MYH11: variants seen among roughly 807,000 people sequenced by gnomAD.
MYH11 encodes the protein myosin heavy chain 11.
In MYH11, 80 loss-of-function variants were observed where a neutral mutation model predicts 246.6. The ratio of observed to expected loss-of-function variants is 0.32; its 90% CI spans 0.27 to 0.39. MYH11 has a LOEUF of 0.39. Among genes scored for constraint, MYH11 ranks in the 10% least tolerant of loss-of-function variants. The pLI is 1.00. For synonymous variants in MYH11, 1,071 were observed against 1,015.5 expected (o/e 1.05, Z -1.04); for missense variants, 2,158 against 2,546.8 (o/e 0.85, Z 3.29).
chr16:15,790,950 CTTTTCTTT>C (rs2042593737), intron 4 of MYH11: 1 of 131,718 alleles, frequency 7.6e-6, no homozygotes, highest in South Asian at 2.6e-4. Context: ...CATTTTTTTT[CTTTTCTTT>C]TTTTTTTTTT....
At chr16:15,791,971 A>G (rs1403540604) in intron 4 of MYH11, 1 of 152,062 alleles carries the variant, frequency 6.6e-6, no homozygotes, top group African/African-American at 2.4e-5. Context: ...ACCATGCCTG[A>G]CCTTTTATAT....
chr16:15,787,212 G>A (rs56041951), intron 4 of MYH11, among the ~76,000 whole-genome samples: 18,821 of 151,936 alleles, frequency 0.12, 1,931 homozygotes, highest in African/African-American at 0.28. Context: ...TTCAAGACCA[G>A]CCTGAGCAAC....
At chr16:15,756,077 G>A (rs939489853) in intron 14 of MYH11, among the ~76,000 whole-genome samples, 3 of 152,198 alleles carry the variant, frequency 2.0e-5, no homozygotes, top group African/African-American at 4.8e-5. Flanking sequence ...CAGCCTGGGC[G>A]ACAAAGCGAG....
At chr16:15,709,617 G>GT (rs1466080321) in intron 40 of MYH11, among the ~76,000 whole-genome samples, 5 of 152,254 alleles carry the variant, frequency 3.3e-5, no homozygotes, top group East Asian at 1.9e-4. Flanking sequence ...ACCCGGCTCA[G>GT]TTTTTTAAAT....
Position 15,778,789 on chromosome 16 carries a change from T to C in MYH11, c.781A>G (p.Ile261Val), listed in dbSNP as rs781220570. The C allele has an allele frequency of 2.5e-6, 4 of 1,614,098 alleles. No individual in the cohort carries two copies. Among genetic ancestry groups the C allele is most frequent in the South Asian group, 2.2e-5 (2 of 91,072 alleles). Residue 261 changes from isoleucine to valine, a missense_variant, in exon 7 of 41, where the codon ATT (isoleucine) becomes GTT (valine). This residue lies in a region of MYH11 where 123 missense variants were observed against 207.1 expected (regional missense o/e 0.59). Transcript: ENST00000300036. ...CTCAGGGAAAGGATACAGGTCTCAA[T>C]GTTGGCTCCCACGATGTAACCCGTG... The part of the protein sequence containing the change: ...DVTGYIVGAN[I>V]ETYLLEKSRA...
rs547187012 is a variant in MYH11, at chr16:15,737,662, A to G, written c.3122-42T>C. ...GCTCTTCAGGAAGGGGAGGCCCCAG[A>G]GAGATGCCCGGAAATGAGCCTTCCT... On this transcript the variant is annotated intron_variant, in intron 24 of 40. Coordinates refer to ENST00000300036, the MANE Select transcript of MYH11 (RefSeq NM_002474.3). 3.1e-6 allele frequency: 5 copies of G among 1,604,344 alleles called. No individual in the cohort carries two copies. The African/African-American group carries it at 6.7e-5, about 21-fold the overall frequency.
chr16:15,784,585 C>G, intron 5 of MYH11: 1 of 1,139,836 alleles, frequency 8.8e-7, no homozygotes, highest in Non-Finnish European at 1.3e-6. Flanking sequence ...ACTCTAGGGC[C>G]TACCCCATTT....
At chr16:15,718,274 G>C in intron 37 of MYH11, 41 bp downstream of exon 37, 1 of 1,605,436 alleles carries the variant, frequency 6.2e-7, no homozygotes, top group Non-Finnish European at 8.5e-7. Flanking sequence ...CTGCAGGAGA[G>C]ACAGTAGGCA....
At chr16:15,821,436 T>C (rs527489290) in intron 3 of MYH11, among the ~76,000 whole-genome samples, 2 of 152,328 alleles carry the variant, frequency 1.3e-5, no homozygotes, top group South Asian at 4.1e-4. Context: ...TACTTAAATA[T>C]ATGTTTAAGT....
At chr16:15,761,831 G>C (rs1346697731) in intron 10 of MYH11, among the ~76,000 whole-genome samples, 2 of 152,120 alleles carry the variant, frequency 1.3e-5, no homozygotes. Context: ...AAACACCTGA[G>C]AATGAAACTG....
chr16:15,709,810 A>C (rs1372957162), intron 40 of MYH11, among the ~76,000 whole-genome samples: 1 of 152,188 alleles, frequency 6.6e-6, no homozygotes, highest in Non-Finnish European at 1.5e-5. Flanking sequence ...GTTTATGATT[A>C]CTTGCTCTTC....
At chr16:15,732,955 T>C (rs563147032) in intron 26 of MYH11, 17 of 582,036 alleles carry the variant, frequency 2.9e-5, no homozygotes, top group African/African-American at 2.2e-4. Flanking sequence ...CACAAAGTAA[T>C]AGAATTGAAA....
intron 14 of MYH11, among the ~76,000 whole-genome samples, chr16:15,753,875 C>T (rs2041640506): frequency 6.6e-6 from 1 of 152,032 alleles, no homozygotes; most frequent in Admixed American, 6.6e-5. Flanking sequence ...ATGCAAAACT[C>T]CCCCCTCATC....
intron 33 of MYH11, 57 bp downstream of exon 33, chr16:15,720,782 A>G (rs923933435): frequency 1.3e-6 from 2 of 1,540,258 alleles, no homozygotes; most frequent in Admixed American, 1.7e-5. Flanking sequence ...GAGAGTGGTG[A>G]TAGGAATGAA....
At chr16:15,846,041 G>A (rs762023470) in intron 1 of MYH11, among the ~76,000 whole-genome samples, 3 of 152,168 alleles carry the variant, frequency 2.0e-5, no homozygotes, top group Non-Finnish European at 2.9e-5. Flanking sequence ...GGAGGTTGCC[G>A]TAAGCCGACA....
intron 19 of MYH11, among the ~76,000 whole-genome samples, chr16:15,746,662 C>A (rs555608516): frequency 1.3e-5 from 2 of 152,280 alleles, no homozygotes; most frequent in South Asian, 4.1e-4. Context: ...GGAACCCGAA[C>A]CCTTCCCCGG....
At chr16:15,814,853 G>T (rs1250868316) in intron 3 of MYH11, among the ~76,000 whole-genome samples, 1 of 152,096 alleles carries the variant, frequency 6.6e-6, no homozygotes, top group Non-Finnish European at 1.5e-5. Flanking sequence ...CTCTGGTGAG[G>T]GTTAAACAGA....
rs760057221 is a variant in MYH11, at chr16:15,735,467, G to C, written c.3405C>G (p.Asn1135Lys). 5 of 1,613,964 alleles carry C rather than the reference G, an allele frequency of 3.1e-6. No homozygotes were observed. In the South Asian group the frequency reaches 5.5e-5, roughly 18 times the overall value. Residue 1135 changes from asparagine (N) to lysine (K), a missense_variant, in exon 26 of 41, where the codon AAC becomes AAG. By Grantham distance (94) the Asn-to-Lys change is moderately conservative. This residue lies in a region of MYH11 where 284 missense variants were observed against 315.4 expected (regional missense o/e 0.90). Transcript: ENST00000300036. ...GGTCTCGCTTCTGCTTTTCAGCCTT[G>C]TTCCTGGCGGCCCGCTCTGAGTCCA... ...EDLDSERAAR[N>K]KAEKQKRDLG...
Position 15,718,768 on chromosome 16 carries a change from G to A in MYH11, c.5172-330C>T, listed in dbSNP as rs1038079968. ...CCCAAACAGGCATGAAAGCGCTGAC[G>A]GAAAACCTAACCACCATGGGTCTGT... On this transcript the variant is annotated intron_variant, in intron 36 of 40. Coordinates refer to ENST00000300036, the MANE Select transcript of MYH11 (RefSeq NM_002474.3). 1.3e-4 allele frequency: 58 copies of A among 453,616 alleles called. No individual in the cohort carries two copies. In the East Asian group the frequency reaches 2.3e-3, roughly 18 times the overall value. 28.1% of individuals were successfully genotyped at this position (453,616 alleles called of 1,614,324 possible). A position where few individuals can be genotyped will look rare whatever the true frequency, so the allele number is the denominator to read the frequency against.
Sources: gnomAD v4.1 joint callset for allele counts (sites outside exome capture counted in the v4.1 genomes callset) on GRCh38, gnomAD v4.1.1 for gene constraint, gnomAD v4.1.1 regional missense constraint, MANE v1.5 for transcripts, NCBI Gene and HGNC (gene_info 2026-07-23, HGNC 2026-07-21) for gene names.